FMN1: variants seen among roughly 807,000 people sequenced by gnomAD.
FMN1 encodes the protein formin 1.
In FMN1, 110 loss-of-function variants were observed where a neutral mutation model predicts 132.4. That is an observed-to-expected ratio of 0.83 (90% confidence interval 0.71 to 0.97). The LOEUF (loss-of-function observed/expected upper bound fraction) is 0.97. Among genes scored for constraint, FMN1 ranks in the 50% least tolerant of loss-of-function variants. FMN1 has a pLI of 0.00. For synonymous variants in FMN1, 722 were observed against 651.7 expected, an observed-to-expected ratio of 1.11 and a Z score of -1.64; for missense variants, 1,792 against 1,705.3, an observed-to-expected ratio of 1.05 and a Z score of -0.90.
chr15:32,835,293 TTTTA>T, intron 17 of FMN1, among the ~76,000 whole-genome samples: 1 of 152,312 alleles, frequency 6.6e-6, no homozygotes, highest in Non-Finnish European at 1.5e-5. Context: ...GCATCTCTTA[TTTTA>T]TTATTTTTTC....
intron 9 of FMN1, among the ~76,000 whole-genome samples, chr15:32,958,412 C>T (rs1277489543): frequency 6.6e-6 from 1 of 151,988 alleles, no homozygotes. Flanking sequence ...GTGTACAAAC[C>T]CCTACAAGTC....
At chr15:32,985,980 A>G (rs773200446) in intron 7 of FMN1, among the ~76,000 whole-genome samples, 3 of 152,246 alleles carry the variant, frequency 2.0e-5, no homozygotes, top group Non-Finnish European at 4.4e-5. Flanking sequence ...TCCAAATGTT[A>G]GGAGTTATTT....
chr15:32,969,662 T>G (rs2031612613), intron 7 of FMN1, among the ~76,000 whole-genome samples, 185 bp from the exon 8 acceptor site: 1 of 152,168 alleles, frequency 6.6e-6, no homozygotes, highest in Non-Finnish European at 1.5e-5. Context: ...TCCAGGGACC[T>G]AAACAGGCAG....
intron 7 of FMN1, among the ~76,000 whole-genome samples, chr15:32,972,697 C>T (rs2031887427): frequency 1.3e-5 from 2 of 152,138 alleles, no homozygotes; most frequent in South Asian, 4.2e-4. Context: ...CATTTTTTTC[C>T]TTATCACACT....
chr15:33,085,366 G>A (rs559244897), intron 5 of FMN1, among the ~76,000 whole-genome samples: 1 of 152,162 alleles, frequency 6.6e-6, no homozygotes, highest in Admixed American at 6.5e-5. Context: ...GGCTTGAGGT[G>A]AGGAAGGAAA....
At chr15:33,064,225 C>T (rs2037613100) in intron 6 of FMN1, 1 of 152,152 alleles carries the variant, frequency 6.6e-6, no homozygotes, top group African/African-American at 2.4e-5. Flanking sequence ...CAAATATAAG[C>T]CACGTATAGG....
chr15:32,866,233 AAAAG>A (rs1272565635), intron 16 of FMN1, among the ~76,000 whole-genome samples: 2 of 131,482 alleles, frequency 1.5e-5, no homozygotes, highest in East Asian at 2.0e-4. Context: ...ATAATAAAAA[AAAAG>A]AAAAAAGAAA....
At chr15:32,830,352 G>A (rs1345997178) in intron 17 of FMN1, among the ~76,000 whole-genome samples, 1 of 152,116 alleles carries the variant, frequency 6.6e-6, no homozygotes, top group Non-Finnish European at 1.5e-5. Context: ...TTCTTCATTA[G>A]TTTGATTGTT....
chr15:33,163,887 G>A lies in FMN1; in HGVS notation c.-131-8842C>T, dbSNP rs372843706. On this transcript the variant is annotated intron_variant, in intron 3 of 20. Coordinates refer to ENST00000616417, the MANE Select transcript of FMN1 (RefSeq NM_001277313.2). ...CCCACCTCAGCCTCCCAAATTGCTG[G>A]GATTACAGGCGTAAGCCACTGCGCC... Among the ~76,000 whole-genome samples the A allele has an allele frequency of 2.2e-3, 333 of 152,296 alleles. 2 individuals are homozygous for A. Among genetic ancestry groups the A allele is most frequent in the African/African-American group, 7.7e-3 (322 of 41,556 alleles).
intron 6 of FMN1, among the ~76,000 whole-genome samples, chr15:33,062,279 T>C (rs908967590): frequency 6.6e-6 from 1 of 152,188 alleles, no homozygotes; most frequent in African/African-American, 2.4e-5. Context: ...TTATAATACA[T>C]CATGTATAAC....
chr15:32,865,398 C>T (rs993455509), intron 16 of FMN1, among the ~76,000 whole-genome samples: 1 of 152,184 alleles, frequency 6.6e-6, no homozygotes, highest in East Asian at 1.9e-4. Context: ...TTTTAAAAAT[C>T]TTAGGTGCAA....
intron 17 of FMN1, among the ~76,000 whole-genome samples, chr15:32,814,808 T>C (rs1222959406): frequency 6.6e-6 from 1 of 152,228 alleles, no homozygotes. Context: ...GCTTAGCACT[T>C]GAGACTATAA....
At chr15:33,128,152 G>T (rs769502814) in intron 4 of FMN1, among the ~76,000 whole-genome samples, 2 of 149,324 alleles carry the variant, frequency 1.3e-5, no homozygotes, top group South Asian at 2.1e-4. Flanking sequence ...GAGTGTAACA[G>T]AAGTAGGATG....
At chr15:32,799,372 T>C (rs985517991) in intron 18 of FMN1, among the ~76,000 whole-genome samples, 3 of 152,202 alleles carry the variant, frequency 2.0e-5, no homozygotes, top group East Asian at 3.8e-4. Context: ...ATAATTAATC[T>C]GTCAAATGTT....
chr15:32,874,024 T>A (rs2059581315), intron 16 of FMN1, among the ~76,000 whole-genome samples: 1 of 149,082 alleles, frequency 6.7e-6, no homozygotes, highest in African/African-American at 2.5e-5. Flanking sequence ...GTTGTTTTTT[T>A]TTTTTTTTTT....
At chr15:32,994,232 T>TCTCTCTCACA (rs904998781) in intron 7 of FMN1, among the ~76,000 whole-genome samples, 4 of 37,200 alleles carry the variant, frequency 1.1e-4, no homozygotes, top group African/African-American at 2.2e-4. Context: ...TCTCTCTCTC[T>TCTCTCTCACA]CACACACACA....
At chr15:33,164,861 T>C (rs953809589) in intron 3 of FMN1, among the ~76,000 whole-genome samples, 1 of 152,240 alleles carries the variant, frequency 6.6e-6, no homozygotes, top group African/African-American at 2.4e-5. Flanking sequence ...TACAGGCATA[T>C]AGTGCATAAT....
chr15:33,058,341 C>G (rs2037329781), intron 6 of FMN1, among the ~76,000 whole-genome samples: 1 of 152,142 alleles, frequency 6.6e-6, no homozygotes, highest in Non-Finnish European at 1.5e-5. Flanking sequence ...AAAGAGGACT[C>G]AAAGTAGACT....
intron 17 of FMN1, among the ~76,000 whole-genome samples, chr15:32,853,917 T>G (rs969005832): frequency 6.6e-6 from 1 of 151,928 alleles, no homozygotes; most frequent in Non-Finnish European, 1.5e-5. Flanking sequence ...GAGAAGAGAG[T>G]GTAGGAATGA....
Sources: allele counts gnomAD v4.1 joint callset (sites outside exome capture counted in the v4.1 genomes callset), GRCh38; gene constraint gnomAD v4.1.1; transcripts MANE v1.5; gene names NCBI Gene and HGNC (gene_info 2026-07-23, HGNC 2026-07-21).